HMBOX1: variants seen among roughly 807,000 people sequenced by gnomAD.
HMBOX1 encodes homeobox containing 1.
HMBOX1 carries 14 observed loss-of-function variants against 54.5 expected under a neutral mutation model. That is an observed-to-expected ratio of 0.26 (90% CI 0.17 to 0.40). The LOEUF (loss-of-function observed/expected upper bound fraction) is 0.40. Among genes scored for constraint, HMBOX1 ranks in the 10% least tolerant of loss-of-function variants. The pLI is 1.00. For synonymous variants in HMBOX1, 160 were observed against 181.0 expected (o/e 0.88, Z 0.93); for missense variants, 332 against 514.4 (o/e 0.65, Z 3.43).
chr8:28,968,373 G>A (rs1169914076), intron 2 of HMBOX1, among the ~76,000 whole-genome samples: 1 of 152,214 alleles, frequency 6.6e-6, no homozygotes, highest in Non-Finnish European at 1.5e-5. Context: ...TATGTTTCCA[G>A]TTAAGTCCTG....
intron 4 of HMBOX1, among the ~76,000 whole-genome samples, chr8:28,985,893 C>T (rs1484764078): frequency 1.3e-5 from 2 of 152,174 alleles, no homozygotes; most frequent in African/African-American, 4.8e-5. Context: ...CCATCCAGCC[C>T]CAGAGTGGTA....
At chr8:28,978,479 A>G (rs1168732849) in intron 3 of HMBOX1, among the ~76,000 whole-genome samples, 1 of 152,172 alleles carries the variant, frequency 6.6e-6, no homozygotes, top group Non-Finnish European at 1.5e-5. Context: ...AGGCAAATTT[A>G]AGGATATAAT....
chr8:28,974,435 T>C (rs953991839), intron 3 of HMBOX1, among the ~76,000 whole-genome samples: 1 of 152,180 alleles, frequency 6.6e-6, no homozygotes, highest in African/African-American at 2.4e-5. Context: ...CATGTACATA[T>C]TATGAAATAA....
chr8:28,924,178 C>CT (rs1446737121), intron 1 of HMBOX1, among the ~76,000 whole-genome samples: 1 of 150,116 alleles, frequency 6.7e-6, no homozygotes, highest in African/African-American at 2.5e-5. Flanking sequence ...ATGATCTTGG[C>CT]TCACTGCAAG....
intron 4 of HMBOX1, among the ~76,000 whole-genome samples, chr8:28,990,518 A>G (rs1183122674): frequency 1.3e-5 from 2 of 152,190 alleles, no homozygotes; most frequent in African/African-American, 4.8e-5. Context: ...CCACTCAGTT[A>G]TGATGTATTA....
chr8:29,008,869 C>A (rs148576258), intron 4 of HMBOX1, among the ~76,000 whole-genome samples: 1 of 152,122 alleles, frequency 6.6e-6, no homozygotes, highest in East Asian at 1.9e-4. Context: ...ACTGCCTTGA[C>A]GTTGAAGAGA....
chr8:28,962,482 A>T (rs1188197903), intron 1 of HMBOX1, among the ~76,000 whole-genome samples: 1 of 152,034 alleles, frequency 6.6e-6, no homozygotes, highest in Non-Finnish European at 1.5e-5. Flanking sequence ...TGCTACATGT[A>T]AACGTGCTGC....
At chr8:28,906,855 G>A (rs909413878) in intron 1 of HMBOX1, among the ~76,000 whole-genome samples, 1 of 152,088 alleles carries the variant, frequency 6.6e-6, no homozygotes, top group African/African-American at 2.4e-5. Context: ...GCCTCCCAAA[G>A]TGCTGGGATT....
rs1177789004 is a variant in HMBOX1 at position 29,052,831 on chromosome 8, T to C, written c.*1676T>C. 1 of 152,226 alleles carries C rather than the reference T, an allele frequency of 6.6e-6. No individual in the cohort carries two copies. Among genetic ancestry groups the C allele is most frequent in the East Asian group, 1.9e-4 (1 of 5,198 alleles). 9.4% of individuals were successfully genotyped at this position (152,226 alleles called of 1,614,324 possible). On this transcript the variant is annotated 3_prime_UTR_variant, in exon 10 of 10. Transcript: ENST00000287701. ...CTCTCCTATGTATAATGAAGCCTTG[T>C]TTAAAGGGGCATGTGGGGCTGGATG...
chr8:29,023,515 A>C (rs770440079), intron 6 of HMBOX1, among the ~76,000 whole-genome samples: 19 of 152,138 alleles, frequency 1.2e-4, no homozygotes, highest in Admixed American at 7.2e-4. Flanking sequence ...TCTTTCTCCC[A>C]TCTCAGCCTC....
intron 6 of HMBOX1, among the ~76,000 whole-genome samples, chr8:29,025,124 G>A (rs1219161283): frequency 6.6e-6 from 1 of 152,068 alleles, no homozygotes; most frequent in Non-Finnish European, 1.5e-5. Context: ...AAGCTATATT[G>A]TAAAAGCAAA....
intron 1 of HMBOX1, among the ~76,000 whole-genome samples, chr8:28,946,023 G>A (rs1345457591): frequency 6.6e-6 from 1 of 150,502 alleles, no homozygotes; most frequent in East Asian, 2.0e-4. Context: ...CACGATCTTG[G>A]CTCACTGCAA....
At chr8:28,900,136 C>G (rs1422478413) in intron 1 of HMBOX1, among the ~76,000 whole-genome samples, 1 of 150,746 alleles carries the variant, frequency 6.6e-6, no homozygotes, top group Non-Finnish European at 1.5e-5. Flanking sequence ...GTAATCCCAG[C>G]TACTCGGGAG....
At chr8:28,905,377 A>T (rs1814122444) in intron 1 of HMBOX1, among the ~76,000 whole-genome samples, 1 of 150,412 alleles carries the variant, frequency 6.6e-6, no homozygotes, top group South Asian at 2.1e-4. Context: ...ACACACGCAG[A>T]GAGAGAGAGA....
At chr8:28,986,084 C>A (rs1342665646) in intron 4 of HMBOX1, among the ~76,000 whole-genome samples, 1 of 152,200 alleles carries the variant, frequency 6.6e-6, no homozygotes, top group Non-Finnish European at 1.5e-5. Context: ...GCCTGTTCAT[C>A]CCCTTCTCCC....
At chr8:28,901,191 C>T (rs2131571640) in intron 1 of HMBOX1, among the ~76,000 whole-genome samples, 1 of 152,212 alleles carries the variant, frequency 6.6e-6, no homozygotes, top group African/African-American at 2.4e-5. Context: ...CCTCCTTAAT[C>T]TTTAGAATTC....
intron 4 of HMBOX1, among the ~76,000 whole-genome samples, chr8:29,007,814 G>GA (rs915138095): frequency 5.9e-5 from 9 of 151,836 alleles, no homozygotes; most frequent in Middle Eastern, 3.4e-3. Flanking sequence ...TCTCAAAAAA[G>GA]AAAAAAAGAA....
chr8:28,925,896 G>C (rs1271951356), intron 1 of HMBOX1, among the ~76,000 whole-genome samples: 2 of 152,162 alleles, frequency 1.3e-5, no homozygotes, highest in African/African-American at 4.8e-5. Context: ...ATAAATGAAA[G>C]ATTAGAAACA....
At chr8:28,981,795 C>T (rs1563519283) in intron 4 of HMBOX1, among the ~76,000 whole-genome samples, 1 of 152,098 alleles carries the variant, frequency 6.6e-6, no homozygotes, top group Non-Finnish European at 1.5e-5. Context: ...TGGAATAAAC[C>T]ATAATGGGTT....
Sources: allele counts gnomAD v4.1 joint callset (sites outside exome capture counted in the v4.1 genomes callset), GRCh38; gene constraint gnomAD v4.1.1; transcripts MANE v1.5; gene names NCBI Gene and HGNC (gene_info 2026-07-23, HGNC 2026-07-21).